CCDC27: variants seen among roughly 807,000 people sequenced by gnomAD.
CCDC27 encodes coiled-coil domain containing 27.
Under a neutral mutation model 80.3 loss-of-function variants are expected in CCDC27, and 80 were observed. The ratio of observed to expected loss-of-function variants is 1.00; its 90% CI spans 0.83 to 1.20. CCDC27 has a LOEUF of 1.20. Among genes scored for constraint, CCDC27 ranks in the 50% most tolerant of loss-of-function variants. CCDC27 has a pLI of 0.00. For synonymous variants in CCDC27, 342 were observed against 334.3 expected (o/e 1.02, Z -0.25); for missense variants, 815 against 809.4 (o/e 1.01, Z -0.08).
Position 3,763,998 on chromosome 1 carries a change from G to A in CCDC27, c.1452+162G>A, listed in dbSNP as rs1457924135. 6.6e-6 allele frequency among the ~76,000 whole-genome samples: 1 copy of A among 152,160 alleles called. No homozygotes were observed. The highest frequency in any genetic ancestry group is 1.5e-5 in the Non-Finnish European group (1 of 67,998). ...GCCCAGGGTTGTGCGGCTGATAGCGGCCCCGCTAGGATTCCCCAAGGTGTG... is the reference window on the plus strand; with the variant it reads ...GCCCAGGGTTGTGCGGCTGATAGCGACCCCGCTAGGATTCCCCAAGGTGTG... On this transcript the variant is annotated intron_variant, in intron 8 of 11. Transcript: ENST00000294600. This position sits in a 1 kb window ranked among gnomAD's most constrained non-coding sequence, Gnocchi z 7.5.
At chr1:3,767,859 T>C (rs1557631428) in intron 10 of CCDC27, among the ~76,000 whole-genome samples, 1 of 152,236 alleles carries the variant, frequency 6.6e-6, no homozygotes, top group African/African-American at 2.4e-5. Context: ...CAAAGTCATG[T>C]AGCTCCTTTA....
chr1:3,764,651 C>T (rs1003879219), intron 8 of CCDC27, among the ~76,000 whole-genome samples: 3 of 152,188 alleles, frequency 2.0e-5, no homozygotes. Context: ...TCATAAACCA[C>T]AACTTTAAAA....
chr1:3,767,517 G>A (rs965327017), intron 10 of CCDC27, 72 bp downstream of exon 10: 20 of 1,367,362 alleles, frequency 1.5e-5, no homozygotes, highest in African/African-American at 7.2e-5. Flanking sequence ...TCTGCCCACC[G>A]CCCACCGAGG....
At chr1:3,758,837 T>A (rs1212904053) in intron 4 of CCDC27, among the ~76,000 whole-genome samples, 1 of 152,126 alleles carries the variant, frequency 6.6e-6, no homozygotes. Flanking sequence ...GCTCAAGTGA[T>A]CCTCTTGCCT....
intron 2 of CCDC27, among the ~76,000 whole-genome samples, chr1:3,755,062 T>C (rs1400806959): frequency 1.3e-5 from 2 of 152,230 alleles, no homozygotes; most frequent in Admixed American, 1.3e-4. Context: ...TGCGTCTACA[T>C]ACTGCTCATA....
At chr1:3,764,444 C>CA (rs1334666582) in intron 8 of CCDC27, among the ~76,000 whole-genome samples, 3 of 151,954 alleles carry the variant, frequency 2.0e-5, no homozygotes, top group Non-Finnish European at 4.4e-5. Flanking sequence ...GATTGTTCTC[C>CA]ATCTTAACAT....
Position 3,754,206 on chromosome 1 carries a change from AG to A in CCDC27, c.408del (p.Gln136HisfsTer74). The A allele has an allele frequency of 6.2e-7, 1 of 1,613,150 alleles. No homozygotes were observed. The highest frequency in any genetic ancestry group is 8.5e-7 in the Non-Finnish European group (1 of 1,179,658). On this transcript the variant is annotated frameshift_variant, in exon 2 of 12. Coordinates refer to ENST00000294600, the MANE Select transcript of CCDC27 (RefSeq NM_152492.3). LOFTEE classifies it high-confidence loss of function. ...RVFPTHPDCP[Q>X]FSTRATSMSH... Reference sequence around the variant, plus strand: ...TTCCCCACGCATCCTGACTGCCCCCAGTTCAGCACCAGGGCCACATCCATGT... The same window carrying A: ...TTCCCCACGCATCCTGACTGCCCCCATTCAGCACCAGGGCCACATCCATGT...
chr1:3,763,975 C>T lies in CCDC27; in HGVS notation c.1452+139C>T. ...AGCCTGGGGTGTCCAGGCAGCTGGC[C>T]CAGGGTTGTGCGGCTGATAGCGGCC... On this transcript the variant is annotated intron_variant, in intron 8 of 11. Transcript: ENST00000294600. This position sits in a 1 kb window ranked among gnomAD's most constrained non-coding sequence, Gnocchi z 7.5. The T allele has an allele frequency of 2.1e-6, 3 of 1,401,392 alleles. No individual in the cohort carries two copies. The highest frequency in any genetic ancestry group is 1.5e-5 in the South Asian group (1 of 67,650). The allele number at this position is 1,401,392 out of a possible 1,614,324, so 86.8% of individuals were successfully genotyped here.
intron 3 of CCDC27, chr1:3,755,858 C>T (rs1642939834): frequency 2.6e-6 from 1 of 386,574 alleles, no homozygotes; most frequent in Non-Finnish European, 4.9e-6. Flanking sequence ...GTGCATCCCT[C>T]ACTGTGGGTA....
At chr1:3,767,198 G>A (rs1162315790) in intron 9 of CCDC27, 35 bp from the exon 10 acceptor site, 1 of 1,599,146 alleles carries the variant, frequency 6.3e-7, no homozygotes, top group Non-Finnish European at 8.6e-7. Flanking sequence ...TGGGCGAAAT[G>A]ACCCCACCTC....
In CCDC27 at chr1:3,767,299, G is replaced by A; in HGVS notation, c.1597G>A (p.Val533Ile). The part of the protein sequence containing the change: ...DCVISELDTK[V>I]SQLQEQVELD... ...TGTCATCTCAGAGTTGGACACCAAGGTCAGCCAGCTGCAGGAGCAGGTGGA... is the reference window on the plus strand; with the variant it reads ...TGTCATCTCAGAGTTGGACACCAAGATCAGCCAGCTGCAGGAGCAGGTGGA... Residue 533 changes from valine (V) to isoleucine (I), a missense_variant, in exon 10 of 12, where the codon GTC (valine) becomes ATC (isoleucine). By Grantham distance (29) the Val-to-Ile change is conservative (BLOSUM62 3). Transcript: ENST00000294600. 2 of 1,614,090 alleles carry A rather than the reference G, an allele frequency of 1.2e-6. No homozygotes were observed. The highest frequency in any genetic ancestry group is 1.7e-6 in the Non-Finnish European group (2 of 1,180,034).
rs1002497715 is a variant in CCDC27 at position 3,769,597 on chromosome 1, C to T, written c.1744-186C>T. Among the ~76,000 whole-genome samples the T allele has an allele frequency of 1.3e-5, 2 of 152,136 alleles. No individual in the cohort carries two copies. Among genetic ancestry groups the T allele is most frequent in the Non-Finnish European group, 2.9e-5 (2 of 68,024 alleles). On this transcript the variant is annotated intron_variant, in intron 10 of 11. Coordinates refer to ENST00000294600, the MANE Select transcript of CCDC27 (RefSeq NM_152492.3). This position sits in a 1 kb window ranked among gnomAD's most constrained non-coding sequence, Gnocchi z 4.6. Reference sequence around the variant, plus strand: ...ACAGGGTCAGGGGTTGGATCCGGCACCTCCTAGCTCTCAGACAATCCACAT... The same window carrying T: ...ACAGGGTCAGGGGTTGGATCCGGCATCTCCTAGCTCTCAGACAATCCACAT...
intron 3 of CCDC27, 179 bp from the exon 4 acceptor site, chr1:3,756,554 G>A (rs562099625): frequency 1.6e-6 from 1 of 622,378 alleles, no homozygotes. Flanking sequence ...GTTCACAGCA[G>A]CACCACACTG....
At chr1:3,767,066 C>T (rs911173582) in intron 9 of CCDC27, among the ~76,000 whole-genome samples, 167 bp from the exon 10 acceptor site, 2 of 152,130 alleles carry the variant, frequency 1.3e-5, no homozygotes, top group Admixed American at 1.3e-4. Flanking sequence ...GTCTCAATCT[C>T]TTAACCTCGT....
rs748892044 is a variant in CCDC27, at chr1:3,756,885, G to T, written c.706G>T (p.Glu236Ter). 6.2e-7 allele frequency: 1 copy of T among 1,611,958 alleles called. No individual in the cohort carries two copies. Among genetic ancestry groups the T allele is most frequent in the Non-Finnish European group, 8.5e-7 (1 of 1,179,190 alleles). ...GCCCTGGTACCTCTCAGTCATCCAC[G>T]AGAAGGTACTGGCGGAGGGGGTGCA... Reference protein sequence around the residue: ...RMPWYLSVIHEKDHCLSELEI... With the variant: ...RMPWYLSVIH Residue 236 changes from glutamate (E) to a stop codon, truncating the protein, a stop_gained, in exon 4 of 12, where the codon GAG becomes TAG. Transcript: ENST00000294600. LOFTEE classifies it high-confidence loss of function.
rs775378587 is a variant in CCDC27 at position 3,768,088 on chromosome 1, C to CT, written c.1743+665dup. The stretch of plus-strand genomic sequence containing the variant: ...AAAAGGAAATCAATAAAGAGCTGAC[C>CT]TTTTTTTTTTTTTTTTTTTTTTCTG... On this transcript the variant is annotated intron_variant, in intron 10 of 11. Transcript: ENST00000294600. This position sits in a 1 kb window ranked among gnomAD's most constrained non-coding sequence, Gnocchi z 5.6. Among the ~76,000 whole-genome samples, 4,074 of 120,320 alleles carry CT rather than the reference C, an allele frequency of 0.034. 119 individuals are homozygous for CT. Among genetic ancestry groups the CT allele is most frequent in the East Asian group, 0.066 (265 of 4,002 alleles). 78.9% of individuals were successfully genotyped at this position (120,320 alleles called of 152,430 possible).
chr1:3,769,927 A>G lies in CCDC27; in HGVS notation c.1848+40A>G, dbSNP rs1366564155. ...TCAGCTGCCTCTATCCGGGCCCCAG[A>G]CCCCCAGGCCAGAGCTGTGGTAGGG... On this transcript the variant is annotated intron_variant, in intron 11 of 11. Transcript: ENST00000294600. The surrounding 1 kb of genome is among the most constrained non-coding windows in gnomAD (Gnocchi z 4.6). The G allele has an allele frequency of 2.1e-6, 3 of 1,458,488 alleles. No homozygotes were observed. The highest frequency in any genetic ancestry group is 2.9e-6 in the Non-Finnish European group (3 of 1,038,410). 90.3% of individuals were successfully genotyped at this position (1,458,488 alleles called of 1,614,324 possible). A position where few individuals can be genotyped will look rare whatever the true frequency, so the allele number is the denominator to read the frequency against.
chr1:3,762,622 G>C lies in CCDC27; in HGVS notation c.864G>C (p.Glu288Asp). 1 of 1,550,620 alleles carries C rather than the reference G, an allele frequency of 6.4e-7. No homozygotes were observed. Among genetic ancestry groups the C allele is most frequent in the Non-Finnish European group, 8.7e-7 (1 of 1,146,612 alleles). ...AGGGTCCCACGGGCGTCTTGCAGGA[G>C]CAGCTCTCAGACGCTTCGCTGAAGC... is the stretch of plus-strand genomic sequence containing the variant. ...QETSMSPGRR[E>D]QLSDASLKLG... is the part of the protein sequence containing the mutation. Residue 288 changes from glutamate to aspartate, a missense_variant and splice_region_variant, in exon 6 of 12, where the codon GAG (glutamate) becomes GAC (aspartate). Coordinates refer to ENST00000294600, the MANE Select transcript of CCDC27 (RefSeq NM_152492.3).
At position 3,761,191 on chromosome 1, in the gene CCDC27, A is replaced by T; in HGVS notation, c.712-90A>T. On this transcript the variant is annotated intron_variant, in intron 4 of 11. Transcript: ENST00000294600. The surrounding 1 kb of genome is among the most constrained non-coding windows in gnomAD (Gnocchi z 5.0). ...GGGTTTTGGGGTACCACGACAGCAG[A>T]TCTGCTCCTCCTGGGTGGGCTGGAG... 1 of 1,505,154 alleles carries T rather than the reference A, an allele frequency of 6.6e-7. No individual in the cohort carries two copies. Among genetic ancestry groups the T allele is most frequent in the Non-Finnish European group, 9.0e-7 (1 of 1,107,860 alleles). The allele number at this position is 1,505,154 out of a possible 1,614,324, so 93.2% of individuals were successfully genotyped here. A position where few individuals can be genotyped will look rare whatever the true frequency, so the allele number is the denominator to read the frequency against.
Sources: gnomAD v4.1 joint callset for allele counts (sites outside exome capture counted in the v4.1 genomes callset) on GRCh38, gnomAD v4.1.1 for gene constraint, Gnocchi (gnomAD v3.1) non-coding constraint, MANE v1.5 for transcripts, NCBI Gene and HGNC (gene_info 2026-07-23, HGNC 2026-07-21) for gene names.